The following ESR1 variants were observed in gnomAD, a reference collection of about 807,000 sequenced individuals.
ESR1 encodes the protein estrogen receptor 1, also known as estrogen receptor.
Under a neutral mutation model 52.7 loss-of-function variants are expected in ESR1, and 12 were observed. The ratio of observed to expected loss-of-function variants is 0.23; its 90% CI spans 0.15 to 0.37. The LOEUF is 0.37. ESR1 is among the 10% of genes least tolerant of loss of function. The probability of loss-of-function intolerance (pLI) is 1.00; values close to 1 mark genes in which losing one functional copy is unlikely to be tolerated. For synonymous variants in ESR1, 305 were observed against 316.8 expected (o/e 0.96, Z 0.39); for missense variants, 584 against 779.7 (o/e 0.75, Z 2.99).
chr6:151,680,860 A>T (rs1778432762), intron 1 of ESR1, among the ~76,000 whole-genome samples: 1 of 152,190 alleles, frequency 6.6e-6, no homozygotes, highest in Admixed American at 6.5e-5. Flanking sequence ...AAAAAAATGA[A>T]CCGGTCTCCT....
rs750236702 is a variant in ESR1 at position 151,944,519 on chromosome 6, G to A, written c.1096+11G>A. 25 of 1,612,436 alleles carry A rather than the reference G, an allele frequency of 1.6e-5. No individual in the cohort carries two copies. In the East Asian group the frequency reaches 4.2e-4, roughly 27 times the overall value. On this transcript the variant is annotated intron_variant, in intron 4 of 7. Transcript: ENST00000206249. ...CGAAGAGGGTGCCAGGTAAGAATGC[G>A]AAGCGCAGCTTTTAAGAGTCAATAG...
chr6:151,879,149 G>A (rs928605175), intron 2 of ESR1, among the ~76,000 whole-genome samples: 11 of 152,248 alleles, frequency 7.2e-5, no homozygotes, highest in African/African-American at 2.4e-4. Flanking sequence ...AAACAATACC[G>A]GGAGGCTGCA....
intron 4 of ESR1, among the ~76,000 whole-genome samples, chr6:151,950,722 AG>A (rs2036234102): frequency 6.6e-6 from 1 of 152,098 alleles, no homozygotes; most frequent in South Asian, 2.1e-4. Context: ...GGAAACTAGA[AG>A]GGGCAAGAGT....
intron 2 of ESR1, among the ~76,000 whole-genome samples, chr6:151,782,642 G>T (rs991767416): frequency 6.6e-6 from 1 of 152,054 alleles, no homozygotes; most frequent in African/African-American, 2.4e-5. Context: ...GTGTGTGGAG[G>T]TGCACATTTT....
chr6:151,942,225 A>G (rs6911230), intron 3 of ESR1, among the ~76,000 whole-genome samples: 79,295 of 152,120 alleles, frequency 0.52, 22,964 homozygotes, highest in Middle Eastern at 0.72. Flanking sequence ...GTGTCCCTCA[A>G]TTTGTTAAGT....
intron 1 of ESR1, among the ~76,000 whole-genome samples, chr6:151,684,721 C>A (rs1439024271): frequency 6.6e-6 from 1 of 152,210 alleles, no homozygotes; most frequent in East Asian, 1.9e-4. Context: ...TTGCAACCTG[C>A]AATTCTTTCT....
chr6:151,852,825 C>CA (rs1787059585), intron 2 of ESR1, among the ~76,000 whole-genome samples: 3 of 151,872 alleles, frequency 2.0e-5, no homozygotes, highest in Non-Finnish European at 4.4e-5. Context: ...TTAGTGTGTA[C>CA]ACATATGAGC....
At chr6:152,038,783 G>A (rs577866287) in intron 5 of ESR1, among the ~76,000 whole-genome samples, 25 of 151,964 alleles carry the variant, frequency 1.6e-4, no homozygotes, top group African/African-American at 4.6e-4. Flanking sequence ...GGCACCCACC[G>A]CCACACCTGG....
At chr6:152,013,803 T>C (rs2042961636) in intron 5 of ESR1, among the ~76,000 whole-genome samples, 1 of 152,190 alleles carries the variant, frequency 6.6e-6, no homozygotes, top group South Asian at 2.1e-4. Context: ...AAACTTCAGA[T>C]CGGAAATTTG....
At chr6:151,822,147 A>G (rs1251720379) in intron 1 of ESR1, among the ~76,000 whole-genome samples, 1 of 152,212 alleles carries the variant, frequency 6.6e-6, no homozygotes, top group Non-Finnish European at 1.5e-5. Flanking sequence ...AAAAAATTTT[A>G]AAAGGAGATA....
intron 3 of ESR1, among the ~76,000 whole-genome samples, chr6:151,883,304 T>C (rs1004616558): frequency 4.6e-5 from 7 of 151,988 alleles, no homozygotes; most frequent in Admixed American, 1.3e-4. Context: ...GTTTTTTTTT[T>C]TTGTAGAGAC....
At chr6:151,995,553 G>T (rs534521998) in intron 4 of ESR1, among the ~76,000 whole-genome samples, 1 of 152,224 alleles carries the variant, frequency 6.6e-6, no homozygotes, top group South Asian at 2.1e-4. Flanking sequence ...ATTTGAAAAA[G>T]ATATTTTTAA....
At chr6:151,993,862 A>G (rs2041248152) in intron 4 of ESR1, among the ~76,000 whole-genome samples, 1 of 152,128 alleles carries the variant, frequency 6.6e-6, no homozygotes, top group Admixed American at 6.5e-5. Context: ...ACTGCCACTT[A>G]ATATGGTACT....
At chr6:151,657,072 T>C (rs1053446484) in intron 1 of ESR1, among the ~76,000 whole-genome samples, 2 of 152,222 alleles carry the variant, frequency 1.3e-5, no homozygotes, top group African/African-American at 4.8e-5. Context: ...TTTTCAATGA[T>C]AATAAATGTC....
chr6:151,736,375 G>GT (rs10624912), intron 2 of ESR1, among the ~76,000 whole-genome samples: 6,867 of 112,704 alleles, frequency 0.061, 816 homozygotes, highest in East Asian at 0.37. Context: ...TCCAGGTAGT[G>GT]TTTTTTTTTT....
At chr6:151,656,957 C>A (rs940771957) in intron 1 of ESR1, among the ~76,000 whole-genome samples, 5 of 152,110 alleles carry the variant, frequency 3.3e-5, no homozygotes, top group African/African-American at 1.2e-4. Context: ...TGGTTGATAC[C>A]TTCAAAGACT....
intron 1 of ESR1, among the ~76,000 whole-genome samples, chr6:151,676,187 C>T (rs533572924): frequency 6.6e-6 from 1 of 152,050 alleles, no homozygotes; most frequent in African/African-American, 2.4e-5. Context: ...AGGAGGTGCC[C>T]GAAGGAGGCC....
intron 1 of ESR1, among the ~76,000 whole-genome samples, chr6:151,664,473 T>C (rs1777749755): frequency 6.6e-6 from 1 of 152,196 alleles, no homozygotes; most frequent in East Asian, 1.9e-4. Flanking sequence ...AGGATGAAGC[T>C]TTAGATAACA....
intron 2 of ESR1, among the ~76,000 whole-genome samples, chr6:151,726,793 C>T (rs931010104): frequency 1.3e-5 from 2 of 152,120 alleles, no homozygotes; most frequent in Non-Finnish European, 2.9e-5. Flanking sequence ...AAATATACAA[C>T]ATGCCATATA....
Sources: allele counts gnomAD v4.1 joint callset (sites outside exome capture counted in the v4.1 genomes callset), GRCh38; gene constraint gnomAD v4.1.1; transcripts MANE v1.5; gene names NCBI Gene and HGNC (gene_info 2026-07-23, HGNC 2026-07-21).